TMCO4: variants seen among roughly 807,000 people sequenced by gnomAD.
TMCO4 encodes the protein transmembrane and coiled-coil domains 4.
In TMCO4, 58 loss-of-function variants were observed where a neutral mutation model predicts 64.7. That is an observed-to-expected ratio of 0.90 (90% CI 0.73 to 1.12). The LOEUF (loss-of-function observed/expected upper bound fraction) is 1.12. TMCO4 is among the 50% of genes most tolerant of loss of function. TMCO4 has a pLI of 0.00. For missense variants in TMCO4, 780 were observed against 825.9 expected (o/e 0.94, Z 0.68); for synonymous variants, 325 against 346.1 (o/e 0.94, Z 0.68).
chr1:19,686,220 C>T (rs991996613), intron 15 of TMCO4, among the ~76,000 whole-genome samples: 13 of 152,170 alleles, frequency 8.5e-5, no homozygotes, highest in Non-Finnish European at 1.3e-4. Context: ...AGAAGCTGCT[C>T]AGCCTGGATC....
At chr1:19,799,545 G>A (rs906340928) in intron 1 of TMCO4, among the ~76,000 whole-genome samples, 4 of 152,236 alleles carry the variant, frequency 2.6e-5, no homozygotes, top group Non-Finnish European at 5.9e-5. Flanking sequence ...CTCGGAGGCC[G>A]AGGCCGGAGT....
chr1:19,692,575 CAAAAA>C (rs532713684), intron 15 of TMCO4, among the ~76,000 whole-genome samples: 2 of 63,956 alleles, frequency 3.1e-5, no homozygotes, highest in Non-Finnish European at 8.5e-5. Context: ...ATTAAAAATA[CAAAAA>C]AAAAAAAAAA....
intron 10 of TMCO4, among the ~76,000 whole-genome samples, chr1:19,744,977 T>C (rs1469942647): frequency 6.6e-6 from 1 of 151,432 alleles, no homozygotes; most frequent in Non-Finnish European, 1.5e-5. Context: ...TACCGCTACA[T>C]GGACAGAGAG....
chr1:19,756,780 G>A (rs748711037), intron 6 of TMCO4, among the ~76,000 whole-genome samples: 5 of 151,930 alleles, frequency 3.3e-5, no homozygotes, highest in East Asian at 1.9e-4. Flanking sequence ...TCACTTGAGC[G>A]CAGGAGCTCG....
rs1006077464 is a variant in TMCO4, at chr1:19,763,615, C to T, written c.382+6927G>A. Reference sequence around the variant, plus strand: ...GCCAGGGCAGGGGCCCTTTGTCTCTCTTCTCCCTGGGTCTGAGGACACACC... The same window carrying T: ...GCCAGGGCAGGGGCCCTTTGTCTCTTTTCTCCCTGGGTCTGAGGACACACC... On this transcript the variant is annotated intron_variant, in intron 6 of 15. Coordinates refer to ENST00000294543, the MANE Select transcript of TMCO4 (RefSeq NM_181719.7). 2.6e-5 allele frequency among the ~76,000 whole-genome samples: 4 copies of T among 152,168 alleles called. No individual in the cohort carries two copies. The East Asian group carries it at 7.7e-4, about 29-fold the overall frequency.
intron 3 of TMCO4, among the ~76,000 whole-genome samples, chr1:19,785,990 G>A (rs1311011359): frequency 2.0e-5 from 3 of 152,212 alleles, no homozygotes; most frequent in Admixed American, 2.0e-4. Context: ...TGGGCACAGT[G>A]GCTCACGCCT....
intron 3 of TMCO4, among the ~76,000 whole-genome samples, chr1:19,781,340 G>A (rs954864658): frequency 5.9e-5 from 9 of 151,852 alleles, no homozygotes; most frequent in South Asian, 4.2e-4. Context: ...GGTGGCACAC[G>A]CCTGTAGTTC....
chr1:19,776,496 A>G lies in TMCO4; in HGVS notation c.179+4084T>C, dbSNP rs16822859. ...ACATTTGTTCATGGAAACAAAGTACACAAAGCTCTTCCTTGGCTAGGTACT... is the reference window on the plus strand; with the variant it reads ...ACATTTGTTCATGGAAACAAAGTACGCAAAGCTCTTCCTTGGCTAGGTACT... On this transcript the variant is annotated intron_variant, in intron 4 of 15. Coordinates refer to ENST00000294543, the MANE Select transcript of TMCO4 (RefSeq NM_181719.7). Among the ~76,000 whole-genome samples, 463 of 152,360 alleles carry G rather than the reference A, an allele frequency of 3.0e-3. 2 individuals carry two copies. Among genetic ancestry groups the G allele is most frequent in the African/African-American group, 0.011 (441 of 41,580 alleles).
rs758220519 is a variant in TMCO4, at chr1:19,737,478, G to C, written c.1180-22C>G. ...GCCCCTGAAGGGAAAAAGGACACAG[G>C]TGTCTGGAAGGAATACTGCCAGTTC... On this transcript the variant is annotated intron_variant, in intron 12 of 15. Transcript: ENST00000294543. 5.0e-6 allele frequency: 8 copies of C among 1,612,228 alleles called. No homozygotes were observed. The African/African-American group carries it at 9.3e-5, about 19-fold the overall frequency.
chr1:19,716,395 TTTG>T (rs2095356732), intron 13 of TMCO4, among the ~76,000 whole-genome samples: 1 of 148,954 alleles, frequency 6.7e-6, no homozygotes, highest in African/African-American at 2.5e-5. Context: ...TTTTTTTTTT[TTTG>T]TTTTTGCATT....
chr1:19,783,274 C>G (rs1469027065), intron 3 of TMCO4, among the ~76,000 whole-genome samples: 2 of 152,108 alleles, frequency 1.3e-5, no homozygotes, highest in Non-Finnish European at 2.9e-5. Flanking sequence ...AACTGGGCTC[C>G]CCTGATACAG....
At chr1:19,758,308 T>C (rs992525744) in intron 6 of TMCO4, among the ~76,000 whole-genome samples, 1 of 152,270 alleles carries the variant, frequency 6.6e-6, no homozygotes, top group East Asian at 1.9e-4. Context: ...TTGGGGTTAT[T>C]AGATTCAGTA....
intron 4 of TMCO4, among the ~76,000 whole-genome samples, chr1:19,775,562 C>T (rs1433693230): frequency 1.3e-5 from 2 of 152,238 alleles, no homozygotes; most frequent in Non-Finnish European, 2.9e-5. Context: ...TATTGAAACA[C>T]AGCCACATGC....
intron 6 of TMCO4, among the ~76,000 whole-genome samples, chr1:19,767,080 A>G (rs975966525): frequency 2.6e-5 from 4 of 152,200 alleles, no homozygotes; most frequent in African/African-American, 9.6e-5. Flanking sequence ...GATATGAGGT[A>G]TTATTATATT....
At chr1:19,729,207 T>C (rs2095420243) in intron 13 of TMCO4, among the ~76,000 whole-genome samples, 1 of 151,998 alleles carries the variant, frequency 6.6e-6, no homozygotes. Context: ...TAGAGTACAG[T>C]GGCCCAATCT....
chr1:19,690,510 G>A (rs1429678395), intron 15 of TMCO4, among the ~76,000 whole-genome samples: 1 of 152,248 alleles, frequency 6.6e-6, no homozygotes, highest in Non-Finnish European at 1.5e-5. Context: ...TCTTGTGTCG[G>A]TGTTTGGAGT....
chr1:19,694,631 T>A, intron 14 of TMCO4, 80 bp from the exon 15 acceptor site: 3 of 1,344,204 alleles, frequency 2.2e-6, no homozygotes, highest in Non-Finnish European at 3.1e-6. Context: ...GGCTGCCTCC[T>A]GGGGAAGCCA....
At chr1:19,771,211 C>A in intron 5 of TMCO4, 97 bp downstream of exon 5, 1 of 1,334,530 alleles carries the variant, frequency 7.5e-7, no homozygotes, top group Non-Finnish European at 1.0e-6. Flanking sequence ...TATCTTCCAA[C>A]TGCTCCACCC....
intron 2 of TMCO4, among the ~76,000 whole-genome samples, chr1:19,796,428 T>C (rs1441366614): frequency 2.0e-5 from 3 of 152,116 alleles, no homozygotes; most frequent in East Asian, 1.9e-4. Flanking sequence ...CTAATGTGTC[T>C]GTCTCCCTGA....
Sources: gnomAD v4.1 joint callset for allele counts (sites outside exome capture counted in the v4.1 genomes callset) on GRCh38, gnomAD v4.1.1 for gene constraint, MANE v1.5 for transcripts, NCBI Gene and HGNC (gene_info 2026-07-23, HGNC 2026-07-21) for gene names.